The following SIAE variants were observed in gnomAD, a reference collection of about 807,000 sequenced individuals.
SIAE encodes the protein sialic acid acetylesterase.
SIAE carries 39 observed loss-of-function variants against 52.6 expected under a neutral mutation model. The observed-to-expected ratio is 0.74, with a 90% CI of 0.57 to 0.97. The LOEUF (loss-of-function observed/expected upper bound fraction) is 0.97, where lower values mean the gene tolerates loss of function less well. SIAE is among the 50% of genes least tolerant of loss of function. The probability of loss-of-function intolerance (pLI) is 0.00; values close to 1 mark genes in which losing one functional copy is unlikely to be tolerated. For missense variants in SIAE, 592 were observed against 662.1 expected, an observed-to-expected ratio of 0.89 and a Z score of 1.16; for synonymous variants, 233 against 241.4, an observed-to-expected ratio of 0.97 and a Z score of 0.32.
intron 7 of SIAE, among the ~76,000 whole-genome samples, chr11:124,644,920 C>A (rs1337440644): frequency 1.3e-5 from 2 of 152,218 alleles, no homozygotes; most frequent in African/African-American, 2.4e-5. Context: ...AAGCCAGTTC[C>A]TCTTTCCTTA....
chr11:124,661,029 AAAGT>A (rs1943181734), intron 2 of SIAE, among the ~76,000 whole-genome samples: 2 of 152,326 alleles, frequency 1.3e-5, no homozygotes, highest in South Asian at 4.1e-4. Flanking sequence ...ATTTACAAAA[AAAGT>A]AAGTTACCCA....
chr11:124,649,584 T>C, intron 5 of SIAE, 35 bp downstream of exon 5: 2 of 1,611,424 alleles, frequency 1.2e-6, no homozygotes, highest in African/African-American at 2.7e-5. Flanking sequence ...AATTCCCTGG[T>C]AGGCTCTTTC....
rs766294261 is a variant in SIAE, at chr11:124,655,174, C to CTTTTT, written c.406-386_406-382dup. 1.5e-3 allele frequency among the ~76,000 whole-genome samples: 207 copies of CTTTTT among 135,034 alleles called. 5 individuals are homozygous for CTTTTT. The highest frequency in any genetic ancestry group is 5.2e-3 in the African/African-American group (172 of 32,888). The allele number at this position is 135,034 out of a possible 152,430, so 88.6% of individuals were successfully genotyped here. On this transcript the variant is annotated intron_variant, in intron 3 of 9. Coordinates refer to ENST00000263593, the MANE Select transcript of SIAE (RefSeq NM_170601.5). The stretch of plus-strand genomic sequence containing the variant: ...ACAAAACCAGACCAATTAACTTCTT[C>CTTTTT]TTTTTTTTTTTTTTTTGTGTGTGAG...
chr11:124,646,306 C>G (rs1277572620), intron 7 of SIAE, among the ~76,000 whole-genome samples: 1 of 152,140 alleles, frequency 6.6e-6, no homozygotes, highest in African/African-American at 2.4e-5. Context: ...TGCCAATCAA[C>G]TACATACGTA....
chr11:124,669,294 C>T (rs1943315645), intron 2 of SIAE, 66 bp downstream of exon 2: 1 of 1,579,920 alleles, frequency 6.3e-7, no homozygotes, highest in Non-Finnish European at 8.7e-7. Context: ...CATTAGCATT[C>T]ATTTTCAGAT....
At chr11:124,643,982 A>G (rs1942889392) in intron 7 of SIAE, among the ~76,000 whole-genome samples, 1 of 152,212 alleles carries the variant, frequency 6.6e-6, no homozygotes, top group Non-Finnish European at 1.5e-5. Context: ...GAATGTGGCC[A>G]AATGCAACTT....
At position 124,633,555 on chromosome 11, in the gene SIAE, C is replaced by T. The variant is rs1942656070; in HGVS notation, c.*3396G>A. The T allele has an allele frequency of 6.6e-6, 1 of 152,170 alleles. No individual in the cohort carries two copies. Among genetic ancestry groups the T allele is most frequent in the Non-Finnish European group, 1.5e-5 (1 of 68,040 alleles). The allele number at this position is 152,170 out of a possible 1,614,324, so 9.4% of individuals were successfully genotyped here. A position where few individuals can be genotyped will look rare whatever the true frequency, so the allele number is the denominator to read the frequency against. ...GGTACTTTATAGTAATAAATCTGAC[C>T]AGCAGAGGGAGGGATCAGGCAGCAG... On this transcript the variant is annotated 3_prime_UTR_variant, in exon 10 of 10. Transcript: ENST00000263593.
intron 7 of SIAE, among the ~76,000 whole-genome samples, chr11:124,644,175 T>C (rs955224537): frequency 1.3e-5 from 2 of 152,054 alleles, no homozygotes; most frequent in Admixed American, 6.5e-5. Context: ...TAGGAAATGA[T>C]AGAAGGTGCC....
chr11:124,670,925 CAT>C lies in SIAE; in HGVS notation c.68-1406_68-1405del, dbSNP rs1308607041. Among the ~76,000 whole-genome samples the C allele has an allele frequency of 6.6e-6, 1 of 152,094 alleles. No homozygotes were observed. The highest frequency in any genetic ancestry group is 1.9e-4 in the East Asian group (1 of 5,188). ...GCCTGCTGGAGGGAAGGGGGAGGCA[CAT>C]GTGTGGGAGGGCCTTGTCTTGGGTA... On this transcript the variant is annotated intron_variant, in intron 1 of 9. Coordinates refer to ENST00000263593, the MANE Select transcript of SIAE (RefSeq NM_170601.5). The surrounding 1 kb of genome is among the most constrained non-coding windows in gnomAD (Gnocchi z 4.5).
At chr11:124,657,516 A>T (rs1943119730) in intron 3 of SIAE, among the ~76,000 whole-genome samples, 1 of 152,218 alleles carries the variant, frequency 6.6e-6, no homozygotes, top group Non-Finnish European at 1.5e-5. Flanking sequence ...GTATGAGAGA[A>T]CATGCTACTT....
At chr11:124,655,320 C>T (rs949055313) in intron 3 of SIAE, among the ~76,000 whole-genome samples, 27 of 152,140 alleles carry the variant, frequency 1.8e-4, no homozygotes, top group African/African-American at 5.1e-4. Flanking sequence ...GAACTACAGG[C>T]GCCCACCACC....
At chr11:124,664,880 C>G (rs949638867) in intron 2 of SIAE, among the ~76,000 whole-genome samples, 1 of 139,518 alleles carries the variant, frequency 7.2e-6, no homozygotes, top group African/African-American at 2.7e-5. Context: ...TTCACTTCCC[C>G]CCCACCCCCA....
At chr11:124,660,586 A>G (rs1316325467) in intron 3 of SIAE, 42 bp downstream of exon 3, 1 of 1,607,254 alleles carries the variant, frequency 6.2e-7, no homozygotes, top group Non-Finnish European at 8.5e-7. Context: ...TTCCTTCTTC[A>G]TCACCAACAC....
At chr11:124,674,692 A>C (rs1943436042), upstream of SIAE, 1 of 152,070 alleles carries the variant, frequency 6.6e-6, no homozygotes, top group African/African-American at 2.4e-5. Context: ...TCCCTCCCTC[A>C]CACACACGCA....
chr11:124,652,824 T>C (rs11219743), intron 4 of SIAE, among the ~76,000 whole-genome samples: 20,417 of 152,114 alleles, frequency 0.13, 3,495 homozygotes, highest in African/African-American at 0.4. Context: ...ACTGAAATGT[T>C]GCCTTTCCCC....
chr11:124,648,194 C>T lies in SIAE; in HGVS notation c.723-19G>A, dbSNP rs773459570. 1 of 1,581,204 alleles carries T rather than the reference C, an allele frequency of 6.3e-7. No individual in the cohort carries two copies. The highest frequency in any genetic ancestry group is 1.1e-5 in the South Asian group (1 of 90,354). Reference sequence around the variant, plus strand: ...AATGGACCTGAAATCATATGATGCACAAGTGTCACCAGAGAGCCAGTGATT... The same window carrying T: ...AATGGACCTGAAATCATATGATGCATAAGTGTCACCAGAGAGCCAGTGATT... On this transcript the variant is annotated intron_variant, in intron 5 of 9. Transcript: ENST00000263593.
chr11:124,673,518 GC>G lies in SIAE; in HGVS notation c.67+123del, dbSNP rs552496461. 2.3e-4 allele frequency: 276 copies of G among 1,178,456 alleles called. 2 individuals are homozygous for G. The African/African-American group carries it at 3.7e-3, about 16-fold the overall frequency. 73.0% of individuals were successfully genotyped at this position (1,178,456 alleles called of 1,614,324 possible). On this transcript the variant is annotated intron_variant, in intron 1 of 9. Coordinates refer to ENST00000263593, the MANE Select transcript of SIAE (RefSeq NM_170601.5). The stretch of plus-strand genomic sequence containing the variant: ...CCTCGGTCGGAGACGCGAGCCCCTA[GC>G]CTAGCTAGGTTCCTTCGTCGACCTT...
chr11:124,647,476 G>A lies in SIAE; in HGVS notation c.855C>T (p.Asn285=). 1.2e-6 allele frequency: 2 copies of A among 1,614,156 alleles called. No homozygotes were observed. The highest frequency in any genetic ancestry group is 2.2e-5 in the East Asian group (1 of 44,890). ...WYQGESNINY[N]TDLYNCTFPA... is the part of the protein sequence containing the mutation. Reference sequence around the variant, plus strand: ...GGAATGTGCAATTGTACAGATCCGTGTTATAATTTATATTGGACTCCCCTA... The same window carrying A: ...GGAATGTGCAATTGTACAGATCCGTATTATAATTTATATTGGACTCCCCTA... The change falls in exon 7 of 10, where the codon AAC becomes AAT. Residue 285 remains asparagine (N), a synonymous_variant. Coordinates refer to ENST00000263593, the MANE Select transcript of SIAE (RefSeq NM_170601.5).
intron 7 of SIAE, among the ~76,000 whole-genome samples, chr11:124,647,068 GCTT>G (rs1292213648): frequency 6.6e-6 from 1 of 152,142 alleles, no homozygotes; most frequent in Non-Finnish European, 1.5e-5. Context: ...AACTTTTTTA[GCTT>G]CTTTTTTGCT....
Sources: gnomAD v4.1 joint callset for allele counts (sites outside exome capture counted in the v4.1 genomes callset) on GRCh38, gnomAD v4.1.1 for gene constraint, Gnocchi (gnomAD v3.1) non-coding constraint, MANE v1.5 for transcripts, NCBI Gene and HGNC (gene_info 2026-07-23, HGNC 2026-07-21) for gene names.